Variants in NPAS3 observed in about 807,000 individuals in gnomAD.
The protein encoded by NPAS3 is neuronal PAS domain-containing protein 3.
In NPAS3, 14 loss-of-function variants were observed where a neutral mutation model predicts 73.1. The ratio of observed to expected loss-of-function variants is 0.19; its 90% CI spans 0.13 to 0.30. NPAS3 has a LOEUF of 0.30. Ranked by LOEUF, NPAS3 falls within the 10% of genes least tolerant of loss-of-function variation. The pLI, the probability that NPAS3 is intolerant of heterozygous loss-of-function variation, is 1.00. For synonymous variants in NPAS3, 620 were observed against 541.5 expected, an observed-to-expected ratio of 1.14 and a Z score of -2.01; for missense variants, 1,096 against 1,250.0, an observed-to-expected ratio of 0.88 and a Z score of 1.86.
chr14:33,470,333 G>T (rs1045760356), intron 4 of NPAS3, among the ~76,000 whole-genome samples: 1 of 152,136 alleles, frequency 6.6e-6, no homozygotes, highest in Admixed American at 6.6e-5. Context: ...AATTGGTTCC[G>T]CCAGTTTTGG....
chr14:33,438,891 C>T (rs901281331), intron 4 of NPAS3, among the ~76,000 whole-genome samples: 13 of 152,118 alleles, frequency 8.5e-5, no homozygotes, highest in Admixed American at 3.3e-4. Flanking sequence ...ATGACATCTC[C>T]GACAAGCAAT....
chr14:33,679,506 C>T (rs1278248098), intron 6 of NPAS3, among the ~76,000 whole-genome samples: 7 of 152,138 alleles, frequency 4.6e-5, no homozygotes, highest in African/African-American at 1.4e-4. Context: ...TTTTTGAAGA[C>T]TGTTGTTCAT....
chr14:33,347,601 A>AAT (rs1279742799), intron 3 of NPAS3, among the ~76,000 whole-genome samples: 15 of 152,214 alleles, frequency 9.9e-5, no homozygotes, highest in Non-Finnish European at 1.3e-4. Context: ...GAGCCCAGAG[A>AAT]ATAGTACAGC....
At chr14:33,161,319 T>TA (rs2044873179) in intron 2 of NPAS3, among the ~76,000 whole-genome samples, 1 of 152,226 alleles carries the variant, frequency 6.6e-6, no homozygotes, top group Non-Finnish European at 1.5e-5. Flanking sequence ...TTTTGACTTC[T>TA]CAAAACCTTG....
chr14:33,756,496 G>T (rs1350624163), intron 7 of NPAS3, among the ~76,000 whole-genome samples: 1 of 152,212 alleles, frequency 6.6e-6, no homozygotes, highest in African/African-American at 2.4e-5. Flanking sequence ...GGCAAGAGAT[G>T]CAAGGCGGTC....
chr14:33,333,102 G>A (rs1054936852), intron 3 of NPAS3, among the ~76,000 whole-genome samples: 24 of 152,154 alleles, frequency 1.6e-4, no homozygotes, highest in African/African-American at 5.3e-4. Flanking sequence ...AAACAGAATG[G>A]GGCATTGGTG....
intron 4 of NPAS3, among the ~76,000 whole-genome samples, chr14:33,537,753 A>G (rs1258127057): frequency 2.0e-5 from 3 of 152,180 alleles, no homozygotes; most frequent in African/African-American, 4.8e-5. Flanking sequence ...CCCATTTGAC[A>G]TTGGACGGGA....
At chr14:33,768,820 T>G (rs1310387956) in intron 7 of NPAS3, among the ~76,000 whole-genome samples, 1 of 152,224 alleles carries the variant, frequency 6.6e-6, no homozygotes. Context: ...GTAGATTCTT[T>G]TTATAGTTTC....
At chr14:33,188,748 G>A (rs1486262136) in intron 2 of NPAS3, among the ~76,000 whole-genome samples, 2 of 152,134 alleles carry the variant, frequency 1.3e-5, no homozygotes, top group South Asian at 2.1e-4. Context: ...ACATTGAAAT[G>A]CTATCATTTC....
chr14:33,492,523 G>A (rs2139826464), intron 4 of NPAS3, among the ~76,000 whole-genome samples: 1 of 152,230 alleles, frequency 6.6e-6, no homozygotes, highest in Non-Finnish European at 1.5e-5. Context: ...TACCCAGGAT[G>A]GTAATTATTC....
At chr14:33,331,978 G>A (rs1279692582) in intron 3 of NPAS3, among the ~76,000 whole-genome samples, 1 of 152,134 alleles carries the variant, frequency 6.6e-6, no homozygotes, top group Non-Finnish European at 1.5e-5. Flanking sequence ...TAGAAACCTG[G>A]GGAAAACACC....
intron 5 of NPAS3, among the ~76,000 whole-genome samples, chr14:33,581,491 T>C (rs1337707894): frequency 6.6e-6 from 1 of 152,246 alleles, no homozygotes; most frequent in Non-Finnish European, 1.5e-5. Context: ...TCTGAGATCC[T>C]TCACAACGGA....
At chr14:33,626,988 A>T (rs1272492831) in intron 5 of NPAS3, among the ~76,000 whole-genome samples, 1 of 152,146 alleles carries the variant, frequency 6.6e-6, no homozygotes, top group Non-Finnish European at 1.5e-5. Flanking sequence ...CAAGCCACAC[A>T]AAGCATCAAA....
intron 3 of NPAS3, among the ~76,000 whole-genome samples, chr14:33,226,819 T>C (rs144205744): frequency 5.3e-5 from 8 of 152,320 alleles, no homozygotes; most frequent in Non-Finnish European, 1.2e-4. Context: ...AATTAAAGCA[T>C]ATTATTTACG....
At chr14:33,103,278 T>C (rs1247608432) in intron 2 of NPAS3, among the ~76,000 whole-genome samples, 1 of 152,126 alleles carries the variant, frequency 6.6e-6, no homozygotes, top group Non-Finnish European at 1.5e-5. Flanking sequence ...AGAGCTTTGG[T>C]GGTCTCAGAG....
intron 4 of NPAS3, among the ~76,000 whole-genome samples, chr14:33,526,410 AT>A (rs2053804172): frequency 6.6e-6 from 1 of 151,000 alleles, no homozygotes; most frequent in Non-Finnish European, 1.5e-5. Flanking sequence ...TATTGGACAA[AT>A]TTTTGAATGT....
chr14:33,014,345 T>C (rs531667612), intron 1 of NPAS3, among the ~76,000 whole-genome samples: 45 of 152,290 alleles, frequency 3.0e-4, no homozygotes, highest in African/African-American at 1.1e-3. Context: ...TAAATAATTG[T>C]GGAGAAATAT....
intron 5 of NPAS3, among the ~76,000 whole-genome samples, chr14:33,657,788 G>T (rs2059188508): frequency 9.1e-6 from 1 of 110,230 alleles, no homozygotes; most frequent in African/African-American, 3.6e-5. Flanking sequence ...TGCAGATTAT[G>T]TAAAAAAAAA....
At chr14:33,457,575 T>G (rs766214619) in intron 4 of NPAS3, among the ~76,000 whole-genome samples, 1 of 152,178 alleles carries the variant, frequency 6.6e-6, no homozygotes, top group Non-Finnish European at 1.5e-5. Flanking sequence ...TAGGATGCAT[T>G]TGAGGACCTT....
Sources: allele counts gnomAD v4.1 joint callset (sites outside exome capture counted in the v4.1 genomes callset), GRCh38; gene constraint gnomAD v4.1.1; transcripts MANE v1.5; gene names NCBI Gene and HGNC (gene_info 2026-07-23, HGNC 2026-07-21).